APC2: variants seen among roughly 807,000 people sequenced by gnomAD.
APC2 encodes the protein adenomatous polyposis coli protein 2.
A neutral mutation model predicts 72.5 loss-of-function variants in APC2; 41 were observed. The observed-to-expected ratio is 0.57, with a 90% CI of 0.44 to 0.73. APC2 has a LOEUF of 0.73. Ranked by LOEUF, APC2 falls within the 30% of genes least tolerant of loss-of-function variation. The pLI, the probability that APC2 is intolerant of heterozygous loss-of-function variation, is 0.00. For synonymous variants in APC2, 1,898 were observed against 1,612.0 expected, an observed-to-expected ratio of 1.18 and a Z score of -4.25; for missense variants, 3,729 against 3,403.4, an observed-to-expected ratio of 1.10 and a Z score of -2.38.
In APC2 at chr19:1,453,173, G is replaced by C. The variant is rs1451829963; in HGVS notation, c.141+31G>C. On this transcript the variant is annotated intron_variant, in intron 2 of 14. Coordinates refer to ENST00000590469, the MANE Select transcript of APC2 (RefSeq NM_005883.3). ...GGCCTACATGGAGGAGGTGGGCTAG[G>C]GTCCCGGGGTGGTGCCCCCCGGCAG... 1.9e-6 allele frequency: 3 copies of C among 1,581,568 alleles called. No homozygotes were observed. In the Admixed American group the frequency reaches 5.5e-5, roughly 29 times the overall value.
chr19:1,469,574 C>T lies in APC2; in HGVS notation c.6273C>T (p.Ala2091=), dbSNP rs113333497. The part of the protein sequence containing the change: ...PSRLPVRAPA[A]RPETVKRYAS... ...GCCTGCCTGTGCGCGCGCCCGCCGC[C>T]CGGCCGGAGACTGTCAAGCGCTACG... Residue 2091 remains alanine, a synonymous_variant, in exon 15 of 15, where the codon GCC becomes GCT. Coordinates refer to ENST00000590469, the MANE Select transcript of APC2 (RefSeq NM_005883.3). 30 of 1,250,504 alleles carry T rather than the reference C, an allele frequency of 2.4e-5. No homozygotes were observed. The highest frequency in any genetic ancestry group is 3.2e-5 in the African/African-American group (2 of 62,478). 77.5% of individuals were successfully genotyped at this position (1,250,504 alleles called of 1,614,324 possible).
chr19:1,465,869 G>A lies in APC2; in HGVS notation c.2568G>A (p.Gln856=), dbSNP rs143857015. Residue 856 remains glutamine, a synonymous_variant, in exon 15 of 15, where the codon CAG becomes CAA. Coordinates refer to ENST00000590469, the MANE Select transcript of APC2 (RefSeq NM_005883.3). ...KLALAVARID[Q]LVEDISALHT... The stretch of plus-strand genomic sequence containing the variant: ...CGCTTGCAGTGGCGCGCATCGACCA[G>A]CTGGTGGAGGACATCTCCGCCCTGC... 1.4e-4 allele frequency: 222 copies of A among 1,566,214 alleles called. No homozygotes were observed. The African/African-American group carries it at 2.7e-3, about 19-fold the overall frequency.
At position 1,468,241 on chromosome 19, in the gene APC2, T is replaced by G. The variant is rs1329895440; in HGVS notation, c.4940T>G (p.Leu1647Arg). 1 of 1,503,162 alleles carries G rather than the reference T, an allele frequency of 6.7e-7. No individual in the cohort carries two copies. Among genetic ancestry groups the G allele is most frequent in the Non-Finnish European group, 8.8e-7 (1 of 1,130,934 alleles). 93.1% of individuals were successfully genotyped at this position (1,503,162 alleles called of 1,614,324 possible). A position where few individuals can be genotyped will look rare whatever the true frequency, so the allele number is the denominator to read the frequency against. Residue 1647 changes from leucine to arginine, a missense_variant, in exon 15 of 15, where the codon CTG becomes CGG. Leu to Arg is a moderately radical substitution (Grantham distance 102). Transcript: ENST00000590469. Reference protein sequence around the residue: ...LPRRRPPVSGLRRRKPRATRL... With the variant: ...LPRRRPPVSGRRRRKPRATRL... ...AGGCGCCGGCCCCCCGTGTCTGGCC[T>G]GCGGCGCCGCAAGCCCCGAGCCACC...
intron 6 of APC2, among the ~76,000 whole-genome samples, chr19:1,455,851 A>G (rs2083814614): frequency 1.5e-5 from 2 of 132,916 alleles, no homozygotes; most frequent in African/African-American, 5.7e-5. Flanking sequence ...GGGATGGACT[A>G]AAGGCGGGGT....
At chr19:1,458,872 C>T (rs561032488) in intron 10 of APC2, among the ~76,000 whole-genome samples, 6 of 152,162 alleles carry the variant, frequency 3.9e-5, no homozygotes, top group Admixed American at 6.5e-5. Flanking sequence ...TTAGTAGAGA[C>T]GGGGTTTCAC....
At position 1,468,224 on chromosome 19, in the gene APC2, G is replaced by T; in HGVS notation, c.4923G>T (p.Arg1641=). ...TCAGCTCGGCCCTGCCCAGGCGCCG[G>T]CCCCCCGTGTCTGGCCTGCGGCGCC... ...RCISSALPRR[R]PPVSGLRRRK... Residue 1641 remains arginine, a synonymous_variant, in exon 15 of 15, where the codon CGG becomes CGT. Coordinates refer to ENST00000590469, the MANE Select transcript of APC2 (RefSeq NM_005883.3). 1 of 1,478,142 alleles carries T rather than the reference G, an allele frequency of 6.8e-7. No individual in the cohort carries two copies. Among genetic ancestry groups the T allele is most frequent in the Non-Finnish European group, 8.9e-7 (1 of 1,122,404 alleles). 91.6% of individuals were successfully genotyped at this position (1,478,142 alleles called of 1,614,324 possible).
chr19:1,447,840 C>G (rs1287623417), upstream of APC2, among the ~76,000 whole-genome samples: 6 of 152,178 alleles, frequency 3.9e-5, no homozygotes, highest in African/African-American at 1.2e-4. Flanking sequence ...ACTCAGGCAA[C>G]ACGTTCCCTG....
Position 1,467,548 on chromosome 19 carries a change from G to A in APC2, c.4247G>A (p.Arg1416Lys). 1.3e-6 allele frequency: 2 copies of A among 1,505,300 alleles called. No homozygotes were observed. The highest frequency in any genetic ancestry group is 1.8e-4 in the Middle Eastern group (1 of 5,656). 93.2% of individuals were successfully genotyped at this position (1,505,300 alleles called of 1,614,324 possible). A position where few individuals can be genotyped will look rare whatever the true frequency, so the allele number is the denominator to read the frequency against. The stretch of plus-strand genomic sequence containing the variant: ...GACGAGACGCTGCAGGGACCCCCCA[G>A]GGACCAGCCCGGGGGACCAGCGGGC... The part of the protein sequence containing the change: ...LSDETLQGPP[R>K]DQPGGPAGRQ... The change falls in exon 15 of 15, where the codon AGG becomes AAG. Residue 1416 changes from arginine (R) to lysine (K), a missense_variant. By Grantham distance (26) the Arg-to-Lys change is conservative (BLOSUM62 2). Coordinates refer to ENST00000590469, the MANE Select transcript of APC2 (RefSeq NM_005883.3).
At chr19:1,462,390 T>C (rs2083940688) in intron 14 of APC2, among the ~76,000 whole-genome samples, 1 of 152,196 alleles carries the variant, frequency 6.6e-6, no homozygotes, top group Non-Finnish European at 1.5e-5. Context: ...GTGCAGTGGC[T>C]CATGCCTGTA....
intron 9 of APC2, 69 bp from the exon 10 acceptor site, chr19:1,457,896 G>GGGGGGGGGAA: frequency 7.6e-7 from 1 of 1,319,328 alleles, no homozygotes; most frequent in South Asian, 1.3e-5. Context: ...GGCGGGTTGC[G>GGGGGGGGGAA]GGACCTTCGG....
Position 1,468,468 on chromosome 19 carries a change from G to A in APC2, c.5167G>A (p.Gly1723Arg), listed in dbSNP as rs202202490. ...ESDSILSFVS[G>R]LSVGSTLQPP... ...CGACTCCATCCTGTCCTTCGTATCC[G>A]GGCTGTCAGTGGGATCCACCCTACA... Residue 1723 changes from glycine to arginine, a missense_variant, in exon 15 of 15, where the codon GGG (glycine) becomes AGG (arginine). Coordinates refer to ENST00000590469, the MANE Select transcript of APC2 (RefSeq NM_005883.3). 6 of 1,600,830 alleles carry A rather than the reference G, an allele frequency of 3.7e-6. No homozygotes were observed. Among genetic ancestry groups the A allele is most frequent in the African/African-American group, 1.3e-5 (1 of 74,694 alleles).
At position 1,470,321 on chromosome 19, in the gene APC2, T is replaced by G. The variant is rs2084113762; in HGVS notation, c.*108T>G. On this transcript the variant is annotated 3_prime_UTR_variant, in exon 15 of 15. Coordinates refer to ENST00000590469, the MANE Select transcript of APC2 (RefSeq NM_005883.3). ...CCCCCATAGGTCGCCCCAGGGCCTC[T>G]GCCCACCCGAGCCCCACCACTCTCA... is the stretch of plus-strand genomic sequence containing the variant. 1.5e-6 allele frequency: 2 copies of G among 1,364,900 alleles called. No individual in the cohort carries two copies. The highest frequency in any genetic ancestry group is 3.1e-5 in the Admixed American group (1 of 32,578). The allele number at this position is 1,364,900 out of a possible 1,614,324, so 84.5% of individuals were successfully genotyped here.
At position 1,460,261 on chromosome 19, in the gene APC2, C is replaced by T; in HGVS notation, c.1384C>T (p.Leu462=). 1 of 1,613,554 alleles carries T rather than the reference C, an allele frequency of 6.2e-7. No individual in the cohort carries two copies. Among genetic ancestry groups the T allele is most frequent in the South Asian group, 1.1e-5 (1 of 91,088 alleles). The change falls in exon 11 of 15, where the codon CTG becomes TTG. Residue 462 remains leucine, a synonymous_variant. Transcript: ENST00000590469. ...GACCCGGGACCCGCTGAACCTGGCG[C>T]TGCGCCGCTACGCGGGCATGACCCT... ...KMTRDPLNLA[L]RRYAGMTLTN... is the part of the protein sequence containing the mutation.
At position 1,469,763 on chromosome 19, in the gene APC2, G is replaced by T. The variant is rs1298263065; in HGVS notation, c.6462G>T (p.Val2154=). 1 of 1,506,620 alleles carries T rather than the reference G, an allele frequency of 6.6e-7. No homozygotes were observed. The highest frequency in any genetic ancestry group is 8.8e-7 in the Non-Finnish European group (1 of 1,135,518). 93.3% of individuals were successfully genotyped at this position (1,506,620 alleles called of 1,614,324 possible). Residue 2154 remains valine (V), a synonymous_variant, in exon 15 of 15, where the codon GTG becomes GTT. Transcript: ENST00000590469. ...GGCGGCGCATCCGAGATGAGGACGT[G>T]CCCCACATCCTGCGCAGCACGCTTC... ...TTWRRIRDED[V]PHILRSTLPA...
At position 1,457,059 on chromosome 19, in the gene APC2, G is replaced by A. The variant is rs1048120921; in HGVS notation, c.1023G>A (p.Lys341=). Residue 341 remains lysine (K), a synonymous_variant, in exon 9 of 15, where the codon AAG becomes AAA. Coordinates refer to ENST00000590469, the MANE Select transcript of APC2 (RefSeq NM_005883.3). The part of the protein sequence containing the change: ...RAGAPGAPGA[K]DARMRANAAL... ...GGGCCCCAGGGGCACCGGGCGCCAA[G>A]GACGCACGCATGCGCGCCAACGCGG... The A allele has an allele frequency of 2.6e-6, 4 of 1,539,170 alleles. No individual in the cohort carries two copies. Among genetic ancestry groups the A allele is most frequent in the Non-Finnish European group, 2.6e-6 (3 of 1,149,648 alleles).
At position 1,450,466 on chromosome 19, in the gene APC2, A is replaced by C. The variant is rs150590046; in HGVS notation, c.-19+128A>C. 791 of 768,962 alleles carry C rather than the reference A, an allele frequency of 1.0e-3. 14 individuals are homozygous for C. In the African/African-American group the frequency reaches 0.014, roughly 13 times the overall value. The allele number at this position is 768,962 out of a possible 1,614,324, so 47.6% of individuals were successfully genotyped here. A position where few individuals can be genotyped will look rare whatever the true frequency, so the allele number is the denominator to read the frequency against. ...TCCATTTCCCCAGAGTGGGAGCTGG[A>C]GGGGAAACTGAGTCCCGGTGAGCTG... On this transcript the variant is annotated intron_variant, in intron 1 of 14. Coordinates refer to ENST00000590469, the MANE Select transcript of APC2 (RefSeq NM_005883.3).
Position 1,466,681 on chromosome 19 carries a change from C to T in APC2, c.3380C>T (p.Pro1127Leu), listed in dbSNP as rs893446038. ...PGATSLPVAI[P>L]APRRNRGRGL... The stretch of plus-strand genomic sequence containing the variant: ...GCCACCTCGCTGCCCGTAGCCATTC[C>T]GGCTCCCCGGCGTAACCGAGGCCGG... The change falls in exon 15 of 15, where the codon CCG becomes CTG. Residue 1127 changes from proline (P) to leucine (L), a missense_variant. Coordinates refer to ENST00000590469, the MANE Select transcript of APC2 (RefSeq NM_005883.3). 1.1e-5 allele frequency: 16 copies of T among 1,508,698 alleles called. No homozygotes were observed. Among genetic ancestry groups the T allele is most frequent in the Non-Finnish European group, 1.4e-5 (16 of 1,128,428 alleles). 93.5% of individuals were successfully genotyped at this position (1,508,698 alleles called of 1,614,324 possible).
chr19:1,453,664 C>A, intron 4 of APC2, 53 bp downstream of exon 4: 1 of 1,548,546 alleles, frequency 6.5e-7, no homozygotes, highest in East Asian at 2.4e-5. Flanking sequence ...ACTCGGTCCC[C>A]AGCGGGCTCT....
intron 11 of APC2, 31 bp from the exon 12 acceptor site, chr19:1,460,749 C>T: frequency 6.2e-7 from 1 of 1,605,710 alleles, no homozygotes; most frequent in Non-Finnish European, 8.5e-7. Flanking sequence ...GTGTCCCAAC[C>T]CCGTGACCCC....
Sources: gnomAD v4.1 joint callset for allele counts (sites outside exome capture counted in the v4.1 genomes callset) on GRCh38, gnomAD v4.1.1 for gene constraint, MANE v1.5 for transcripts, NCBI Gene and HGNC (gene_info 2026-07-23, HGNC 2026-07-21) for gene names.